The following PALB2 variants were observed in gnomAD, a reference collection of about 807,000 sequenced individuals.
PALB2 encodes mutant partner and localizer of BRCA2.
A neutral mutation model predicts 107.4 loss-of-function variants in PALB2; 82 were observed. The observed-to-expected ratio is 0.76, with a 90% CI of 0.64 to 0.92. The LOEUF (loss-of-function observed/expected upper bound fraction) is 0.92, where lower values mean the gene tolerates loss of function less well. Ranked by LOEUF, PALB2 falls within the 40% of genes least tolerant of loss-of-function variation. The probability of loss-of-function intolerance (pLI) is 0.00; values close to 1 mark genes in which losing one functional copy is unlikely to be tolerated. For synonymous variants in PALB2, 489 were observed against 496.8 expected (o/e 0.98, Z 0.21); for missense variants, 1,374 against 1,379.9 (o/e 1.00, Z 0.07).
intron 1 of PALB2, 159 bp downstream of exon 1, chr16:23,640,951 A>C: frequency 1.3e-6 from 1 of 777,446 alleles, no homozygotes; most frequent in Non-Finnish European, 2.1e-6. Context: ...GCACCACGCT[A>C]TTTCCACATT....
intron 4 of PALB2, among the ~76,000 whole-genome samples, chr16:23,633,368 A>C (rs1966906760): frequency 6.6e-6 from 1 of 152,202 alleles, no homozygotes; most frequent in African/African-American, 2.4e-5. Context: ...TCACAGTTAC[A>C]AGTTGACTGG....
chr16:23,614,054 T>C lies in PALB2; in HGVS notation c.3151A>G (p.Ile1051Val), dbSNP rs1060502745. Residue 1051 changes from isoleucine (I) to valine (V), a missense_variant, in exon 11 of 13, where the codon ATT becomes GTT. Coordinates refer to ENST00000261584, the MANE Select transcript of PALB2 (RefSeq NM_024675.4). Reference protein sequence around the residue: ...KTGQLLKKMHIDDSYQASVCH... With the variant: ...KTGQLLKKMHVDDSYQASVCH... ...ACTGAAGCTTGGTAAGAATCATCAA[T>C]GTGCATCTTTTTCAGGAGTTGACCA... is the stretch of plus-strand genomic sequence containing the variant. 1 of 1,613,622 alleles carries C rather than the reference T, an allele frequency of 6.2e-7. No individual in the cohort carries two copies. Among genetic ancestry groups the C allele is most frequent in the Non-Finnish European group, 8.5e-7 (1 of 1,179,634 alleles).
At position 23,635,296 on chromosome 16, in the gene PALB2, G is replaced by T. The variant is rs45510998; in HGVS notation, c.1250C>A (p.Ser417Tyr). 258 of 1,613,964 alleles carry T rather than the reference G, an allele frequency of 1.6e-4. No homozygotes were observed. The highest frequency in any genetic ancestry group is 2.1e-4 in the Non-Finnish European group (249 of 1,180,034). The change falls in exon 4 of 13, where the codon TCC (serine) becomes TAC (tyrosine). Residue 417 changes from serine to tyrosine, a missense_variant. Transcript: ENST00000261584. ...CACGGCTACTTTCCTCTGGCAATTG[G>T]ACATGCTTCGTGTTGTTCTAACATA... ...EYYVRTTRSM[S>Y]NCQRKVAVEA...
chr16:23,635,199 T>C lies in PALB2; in HGVS notation c.1347A>G (p.Lys449=), dbSNP rs587780205. The change falls in exon 4 of 13, where the codon AAA becomes AAG. Residue 449 remains lysine, a synonymous_variant. Transcript: ENST00000261584. ...TTTCCTCATTGGAAAGGTTTAAATT[T>C]TTACTTGCATCCTTATTTTTATTTT... ...GFKNKNKDAS[K]NLNLSNEETD... is the part of the protein sequence containing the mutation. The C allele has an allele frequency of 2.2e-5, 36 of 1,614,170 alleles. No individual in the cohort carries two copies. The highest frequency in any genetic ancestry group is 3.1e-5 in the Non-Finnish European group (36 of 1,180,030).
In PALB2 at chr16:23,635,840, A is replaced by C. The variant is rs1196649458; in HGVS notation, c.706T>G (p.Phe236Val). 6.2e-7 allele frequency: 1 copy of C among 1,614,050 alleles called. No homozygotes were observed. The highest frequency in any genetic ancestry group is 1.3e-5 in the African/African-American group (1 of 74,932). ...TAQPEKGVDT[F>V]LRRPNFTRAT... The stretch of plus-strand genomic sequence containing the variant: ...CTGGTGAAATTAGGTCTTCTTAGGA[A>C]TGTATCAACACCTTTTTCTGGTTGG... The change falls in exon 4 of 13, where the codon TTC (phenylalanine) becomes GTC (valine). Residue 236 changes from phenylalanine to valine, a missense_variant. Phe to Val is a conservative substitution (Grantham distance 50). Coordinates refer to ENST00000261584, the MANE Select transcript of PALB2 (RefSeq NM_024675.4).
chr16:23,633,067 C>T (rs576697072), intron 4 of PALB2, among the ~76,000 whole-genome samples: 4 of 151,906 alleles, frequency 2.6e-5, no homozygotes, highest in South Asian at 2.1e-4. Flanking sequence ...GCACCCTATC[C>T]GGGGCGACAA....
At chr16:23,638,970 C>G (rs2142465910) in intron 1 of PALB2, among the ~76,000 whole-genome samples, 1 of 152,232 alleles carries the variant, frequency 6.6e-6, no homozygotes, top group Admixed American at 6.5e-5. Flanking sequence ...GAGGTTGGAG[C>G]TATCATTGCT....
intron 7 of PALB2, 84 bp downstream of exon 7, chr16:23,626,141 TGCATGGTCATA>T (rs1966842114): frequency 7.2e-7 from 1 of 1,396,650 alleles, no homozygotes; most frequent in Non-Finnish European, 1.0e-6. Context: ...TGTTCTGCCT[TGCATGGTCATA>T]GCTCCCAATT....
rs142103232 is a variant in PALB2, at chr16:23,634,936, G to A, written c.1610C>T (p.Ser537Leu). Residue 537 changes from serine (S) to leucine (L), a missense_variant, in exon 4 of 13, where the codon TCG (serine) becomes TTG (leucine). Transcript: ENST00000261584. ...TTCTTCCTTGGACCTGTTAACAATC[G>A]ACAGGCTAGAAGTTGGCAAAAGTGG... is the stretch of plus-strand genomic sequence containing the variant. Reference protein sequence around the residue: ...CEPLLPTSSLSIVNRSKEEVT... With the variant: ...CEPLLPTSSLLIVNRSKEEVT... The A allele has an allele frequency of 3.6e-5, 58 of 1,613,958 alleles. No individual in the cohort carries two copies. Among genetic ancestry groups the A allele is most frequent in the Non-Finnish European group, 4.7e-5 (56 of 1,180,034 alleles).
At chr16:23,606,563 C>T (rs140353909) in intron 12 of PALB2, among the ~76,000 whole-genome samples, 1 of 152,274 alleles carries the variant, frequency 6.6e-6, no homozygotes, top group East Asian at 1.9e-4. Context: ...TGATTCACTT[C>T]AGCCCAGGCT....
chr16:23,634,204 C>A (rs1365287730), intron 4 of PALB2, among the ~76,000 whole-genome samples: 1 of 152,222 alleles, frequency 6.6e-6, no homozygotes, highest in African/African-American at 2.4e-5. Context: ...GGTTTGAATC[C>A]TGGCTCTGTG....
intron 1 of PALB2, chr16:23,640,798 C>T: frequency 2.9e-6 from 1 of 341,640 alleles, no homozygotes; most frequent in Non-Finnish European, 5.4e-6. Context: ...TACTTGAGGC[C>T]GTCCGGGGGG....
intron 11 of PALB2, among the ~76,000 whole-genome samples, chr16:23,613,457 A>C (rs1254739177): frequency 2.0e-5 from 3 of 152,144 alleles, no homozygotes; most frequent in Non-Finnish European, 4.4e-5. Context: ...AAGCCTGGCC[A>C]ACATGGCAAA....
At chr16:23,619,582 C>T (rs558544515) in intron 10 of PALB2, among the ~76,000 whole-genome samples, 1 of 152,040 alleles carries the variant, frequency 6.6e-6, no homozygotes, top group South Asian at 2.1e-4. Context: ...TACTGAGTAA[C>T]TTTGGACTGT....
chr16:23,608,226 C>CT (rs201348244), intron 11 of PALB2, among the ~76,000 whole-genome samples: 106 of 143,184 alleles, frequency 7.4e-4, no homozygotes, highest in East Asian at 4.8e-3. Flanking sequence ...TGTTCTTCTT[C>CT]TTTTTTTTTT....
intron 5 of PALB2, 33 bp from the exon 6 acceptor site, chr16:23,629,308 A>G (rs755806296): frequency 6.4e-7 from 1 of 1,563,670 alleles, no homozygotes; most frequent in South Asian, 1.1e-5. Context: ...ATTAGTCTAC[A>G]CTTTATGTAT....
rs376865021 is a variant in PALB2, at chr16:23,641,206, G to T, written c.-49C>A. Reference sequence around the variant, plus strand: ...AGCAGCCGTCGCCGACCCCAGGCCTGCCGACACCGGGACCCAGTTGGCCCT... The same window carrying T: ...AGCAGCCGTCGCCGACCCCAGGCCTTCCGACACCGGGACCCAGTTGGCCCT... On this transcript the variant is annotated 5_prime_UTR_variant, in exon 1 of 13. Coordinates refer to ENST00000261584, the MANE Select transcript of PALB2 (RefSeq NM_024675.4). The T allele has an allele frequency of 6.3e-6, 10 of 1,597,500 alleles. No individual in the cohort carries two copies. In the African/African-American group the frequency reaches 9.4e-5, roughly 15 times the overall value.
rs1064794118 is a variant in PALB2 at position 23,635,837 on chromosome 16, G to C, written c.709C>G (p.Leu237Val). The change falls in exon 4 of 13, where the codon CTA becomes GTA. Residue 237 changes from leucine to valine, a missense_variant. Leu to Val is a conservative substitution (Grantham distance 32, BLOSUM62 1). Coordinates refer to ENST00000261584, the MANE Select transcript of PALB2 (RefSeq NM_024675.4). ...AQPEKGVDTF[L>V]RRPNFTRATT... ...GCCCTGGTGAAATTAGGTCTTCTTA[G>C]GAATGTATCAACACCTTTTTCTGGT... The C allele has an allele frequency of 6.2e-7, 1 of 1,614,062 alleles. No homozygotes were observed. Among genetic ancestry groups the C allele is most frequent in the Non-Finnish European group, 8.5e-7 (1 of 1,180,002 alleles).
chr16:23,619,859 A>C (rs1966743148), intron 10 of PALB2, among the ~76,000 whole-genome samples: 1 of 151,982 alleles, frequency 6.6e-6, no homozygotes, highest in Non-Finnish European at 1.5e-5. Flanking sequence ...GACTCACTGC[A>C]ACCTCCGCCT....
Sources: gnomAD v4.1 joint callset for allele counts (sites outside exome capture counted in the v4.1 genomes callset) on GRCh38, gnomAD v4.1.1 for gene constraint, MANE v1.5 for transcripts, NCBI Gene and HGNC (gene_info 2026-07-23, HGNC 2026-07-21) for gene names.